The following EPG5 variants were observed in gnomAD, a reference collection of about 807,000 sequenced individuals.
The protein encoded by EPG5 is ectopic P-granules 5 autophagy tethering factor.
EPG5 carries 159 observed loss-of-function variants against 302.7 expected under a neutral mutation model. That is an observed-to-expected ratio of 0.53 (90% CI 0.46 to 0.60). The LOEUF (loss-of-function observed/expected upper bound fraction) is 0.60, where lower values mean the gene tolerates loss of function less well. Ranked by LOEUF, EPG5 falls within the 20% of genes least tolerant of loss-of-function variation. EPG5 has a pLI of 0.00. For synonymous variants in EPG5, 1,158 were observed against 1,136.8 expected, an observed-to-expected ratio of 1.02 and a Z score of -0.37; for missense variants, 2,896 against 3,092.4, an observed-to-expected ratio of 0.94 and a Z score of 1.51.
At position 45,939,589 on chromosome 18, in the gene EPG5, G is replaced by A. The variant is rs200129838; in HGVS notation, c.2099+11C>T. On this transcript the variant is annotated intron_variant, in intron 10 of 43. Coordinates refer to ENST00000282041, the MANE Select transcript of EPG5 (RefSeq NM_020964.3). ...TACTTCTCACTAAATATCATCATATGTCTTACTTACCTTTTGGCCTTCAGC... is the reference window on the plus strand; with the variant it reads ...TACTTCTCACTAAATATCATCATATATCTTACTTACCTTTTGGCCTTCAGC... The A allele has an allele frequency of 3.7e-6, 6 of 1,613,432 alleles. No homozygotes were observed. Among genetic ancestry groups the A allele is most frequent in the African/African-American group, 2.7e-5 (2 of 75,032 alleles).
the EPG5 span, among the ~76,000 whole-genome samples, chr18:45,808,762 A>G: frequency 6.6e-6 from 1 of 152,234 alleles, no homozygotes; most frequent in African/African-American, 2.4e-5. Context: ...ACATCAAAAC[A>G]TATTTTGATA....
intron 26 of EPG5, among the ~76,000 whole-genome samples, chr18:45,900,374 C>T (rs2049583039): frequency 7.2e-6 from 1 of 139,638 alleles, no homozygotes; most frequent in South Asian, 2.2e-4. Flanking sequence ...TGCACCACTC[C>T]AGCCTGGGCG....
intron 24 of EPG5, among the ~76,000 whole-genome samples, chr18:45,904,761 T>C (rs956981094): frequency 1.1e-4 from 17 of 152,340 alleles, no homozygotes; most frequent in African/African-American, 4.1e-4. Context: ...TTATGACATT[T>C]ATGAGAAAGG....
intron 30 of EPG5, 104 bp from the exon 31 acceptor site, chr18:45,882,591 G>C: frequency 1.3e-6 from 1 of 789,910 alleles, no homozygotes; most frequent in Non-Finnish European, 2.0e-6. Flanking sequence ...AAATTACCCA[G>C]CATTTTATAA....
chr18:45,939,452 C>G, intron 10 of EPG5, 148 bp downstream of exon 10: 1 of 696,884 alleles, frequency 1.4e-6, no homozygotes, highest in South Asian at 2.1e-5. Flanking sequence ...GATAAGGAAA[C>G]CAAGGCCCAA....
At chr18:45,924,337 G>GC (rs980596545) in intron 14 of EPG5, among the ~76,000 whole-genome samples, 1 of 152,206 alleles carries the variant, frequency 6.6e-6, no homozygotes, top group African/African-American at 2.4e-5. Context: ...GTGGAAAACA[G>GC]CCCCCTGTAG....
At chr18:45,808,117 TA>T in the EPG5 span, among the ~76,000 whole-genome samples, 1 of 152,008 alleles carries the variant, frequency 6.6e-6, no homozygotes, top group African/African-American at 2.4e-5. Flanking sequence ...ATCGAACAAG[TA>T]GAAGAAAGAA....
chr18:45,913,749 T>C lies in EPG5; in HGVS notation c.3773A>G (p.Glu1258Gly), dbSNP rs1025374194. The change falls in exon 21 of 44, where the codon GAA becomes GGA. Residue 1258 changes from glutamate (E) to glycine (G), a missense_variant. By Grantham distance (98) the Glu-to-Gly change is moderately conservative (BLOSUM62 -2). Around this residue, in one of 5 missense-constraint regions of EPG5, gnomAD observed 64 missense variants for 101.8 expected, o/e 0.63. Coordinates refer to ENST00000282041, the MANE Select transcript of EPG5 (RefSeq NM_020964.3). ...DSQLRRVIEG[E>G]LVINSAFTPD... ...GGTGAAAGCAGAGTTTATCACCAAT[T>C]CCCCTTCAATAACTCTCCGGAGCTG... 1 of 1,613,972 alleles carries C rather than the reference T, an allele frequency of 6.2e-7. No homozygotes were observed. The highest frequency in any genetic ancestry group is 1.3e-5 in the African/African-American group (1 of 74,892).
chr18:45,825,590 G>T, the EPG5 span: 2 of 805,056 alleles, frequency 2.5e-6, no homozygotes, highest in Non-Finnish European at 4.0e-6. Context: ...TCCGGCTCCC[G>T]CAGAGCCCAC....
intron 35 of EPG5, among the ~76,000 whole-genome samples, chr18:45,874,495 G>A (rs891799914): frequency 6.6e-5 from 10 of 152,184 alleles, no homozygotes; most frequent in Non-Finnish European, 8.8e-5. Context: ...ACAGTTCCAT[G>A]TGGCTGGGGA....
chr18:45,856,886 T>C (rs374013359), intron 42 of EPG5, among the ~76,000 whole-genome samples: 2 of 152,332 alleles, frequency 1.3e-5, no homozygotes, highest in East Asian at 1.9e-4. Flanking sequence ...TTGCTTCTCA[T>C]TACTTATCCT....
chr18:45,848,590 T>C lies in EPG5; in HGVS notation c.*3877A>G, dbSNP rs1849080725. ...TGAGGTAAAGGAGGCACCACGGGGGTAAACCCAAGGAAGCACTCTCTTGGC... is the reference window on the plus strand; with the variant it reads ...TGAGGTAAAGGAGGCACCACGGGGGCAAACCCAAGGAAGCACTCTCTTGGC... On this transcript the variant is annotated 3_prime_UTR_variant, in exon 44 of 44. Coordinates refer to ENST00000282041, the MANE Select transcript of EPG5 (RefSeq NM_020964.3). The C allele has an allele frequency of 1.3e-5, 2 of 152,098 alleles. No individual in the cohort carries two copies. Among genetic ancestry groups the C allele is most frequent in the African/African-American group, 2.4e-5 (1 of 41,396 alleles). 9.4% of individuals were successfully genotyped at this position (152,098 alleles called of 1,614,324 possible). A position where few individuals can be genotyped will look rare whatever the true frequency, so the allele number is the denominator to read the frequency against.
chr18:45,865,841 T>G lies in EPG5; in HGVS notation c.6622-82A>C, dbSNP rs1401437284. 4 of 1,425,164 alleles carry G rather than the reference T, an allele frequency of 2.8e-6. No individual in the cohort carries two copies. In the Admixed American group the frequency reaches 5.8e-5, roughly 21 times the overall value. 88.3% of individuals were successfully genotyped at this position (1,425,164 alleles called of 1,614,324 possible). ...TGCATATTTCCTGGGAGCATGGCACTGCAATGAATGCTTGGGTAGGGAGTA... is the reference window on the plus strand; with the variant it reads ...TGCATATTTCCTGGGAGCATGGCACGGCAATGAATGCTTGGGTAGGGAGTA... On this transcript the variant is annotated intron_variant, in intron 38 of 43. Coordinates refer to ENST00000282041, the MANE Select transcript of EPG5 (RefSeq NM_020964.3).
the EPG5 span, chr18:45,838,669 C>T: frequency 6.7e-7 from 1 of 1,495,582 alleles, no homozygotes; most frequent in Non-Finnish European, 8.8e-7. Flanking sequence ...GTCCAAAGGG[C>T]TAAGGGGAGG....
At chr18:45,874,056 C>T (rs1403403029) in intron 35 of EPG5, among the ~76,000 whole-genome samples, 1 of 152,212 alleles carries the variant, frequency 6.6e-6, no homozygotes, top group African/African-American at 2.4e-5. Flanking sequence ...GGCAGTGAAA[C>T]TGCTCTGTAT....
At chr18:45,835,785 C>T in the EPG5 span, among the ~76,000 whole-genome samples, 8 of 152,140 alleles carry the variant, frequency 5.3e-5, no homozygotes, top group Non-Finnish European at 8.8e-5. Flanking sequence ...GTGGGACTCA[C>T]GGCACTGCAG....
chr18:45,928,797 T>G, intron 13 of EPG5, 72 bp downstream of exon 13: 1 of 1,439,528 alleles, frequency 6.9e-7, no homozygotes, highest in Non-Finnish European at 9.5e-7. Context: ...CCCAAGAACC[T>G]TCCTATTTTT....
the EPG5 span, chr18:45,838,715 C>T: frequency 1.3e-6 from 2 of 1,570,204 alleles, no homozygotes; most frequent in South Asian, 1.2e-5. Context: ...TTCTCCCCTG[C>T]AGCCGCGCCG....
intron 12 of EPG5, 111 bp downstream of exon 12, chr18:45,930,563 TAG>T (rs2050376544): frequency 2.5e-6 from 2 of 785,042 alleles, no homozygotes; most frequent in Non-Finnish European, 3.9e-6. Flanking sequence ...CTCTGAAGTG[TAG>T]ACAGTAGCTA....
Sources: allele counts gnomAD v4.1 joint callset (sites outside exome capture counted in the v4.1 genomes callset), GRCh38; gene constraint gnomAD v4.1.1; regional missense constraint gnomAD v4.1.1; transcripts MANE v1.5; gene names NCBI Gene and HGNC (gene_info 2026-07-23, HGNC 2026-07-21).